CMYA5: variants seen among roughly 807,000 people sequenced by gnomAD.
The protein encoded by CMYA5 is cardiomyopathy-associated protein 5.
Under a neutral mutation model 318.9 loss-of-function variants are expected in CMYA5, and 246 were observed. The observed-to-expected ratio is 0.77, with a 90% CI of 0.70 to 0.86. CMYA5 has a LOEUF of 0.86. Among genes scored for constraint, CMYA5 ranks in the 40% least tolerant of loss-of-function variants. CMYA5 has a pLI of 0.00. For missense variants in CMYA5, 4,589 were observed against 4,678.2 expected, an observed-to-expected ratio of 0.98 and a Z score of 0.56; for synonymous variants, 1,641 against 1,729.5, an observed-to-expected ratio of 0.95 and a Z score of 1.27.
chr5:79,695,322 A>G (rs1827046448), intron 1 of CMYA5, among the ~76,000 whole-genome samples: 6 of 152,216 alleles, frequency 3.9e-5, no homozygotes, highest in Admixed American at 3.9e-4. Flanking sequence ...GCCACATTTT[A>G]AAAAGCAGAA....
chr5:79,700,979 TCA>T (rs1186052802), intron 1 of CMYA5, among the ~76,000 whole-genome samples: 4 of 151,108 alleles, frequency 2.6e-5, no homozygotes, highest in Admixed American at 6.6e-5. Context: ...GCGCAGTGGC[TCA>T]CACCTGTAAT....
intron 9 of CMYA5, among the ~76,000 whole-genome samples, chr5:79,770,900 A>G (rs946089228): frequency 6.6e-6 from 1 of 152,108 alleles, no homozygotes; most frequent in African/African-American, 2.4e-5. Flanking sequence ...GGATGAATTA[A>G]TATCGGGTGG....
chr5:79,740,097 T>G (rs1292590141), intron 2 of CMYA5, among the ~76,000 whole-genome samples: 1 of 152,226 alleles, frequency 6.6e-6, no homozygotes, highest in African/African-American at 2.4e-5. Context: ...GCATTATAAG[T>G]AATCTAGAGA....
At position 79,689,984 on chromosome 5, in the gene CMYA5, T is replaced by C. The variant is rs1371785196; in HGVS notation, c.77T>C (p.Leu26Pro). 7.1e-7 allele frequency: 1 copy of C among 1,413,000 alleles called. No individual in the cohort carries two copies. The highest frequency in any genetic ancestry group is 9.7e-7 in the Non-Finnish European group (1 of 1,033,868). 87.5% of individuals were successfully genotyped at this position (1,413,000 alleles called of 1,614,324 possible). A position where few individuals can be genotyped will look rare whatever the true frequency, so the allele number is the denominator to read the frequency against. Residue 26 changes from leucine to proline, a missense_variant, in exon 1 of 13, where the codon CTG becomes CCG. Coordinates refer to ENST00000446378, the MANE Select transcript of CMYA5 (RefSeq NM_153610.5). ...GGGGACGAGGAGGCGACCCGGGAGC[T>C]GGAGACCGAGGAGGAGTCGGAGGGC... is the stretch of plus-strand genomic sequence containing the variant. ...SDGDEEATRE[L>P]ETEEESEGEE...
At chr5:79,789,748 T>G (rs1160580883) in intron 10 of CMYA5, among the ~76,000 whole-genome samples, 1 of 152,150 alleles carries the variant, frequency 6.6e-6, no homozygotes, top group African/African-American at 2.4e-5. Flanking sequence ...TTTATCAGAC[T>G]CACAATGTGT....
rs200642578 is a variant in CMYA5, at chr5:79,793,426, T to C, written c.11790-11T>C. The C allele has an allele frequency of 7.8e-5, 125 of 1,606,840 alleles. No homozygotes were observed. The highest frequency in any genetic ancestry group is 9.6e-5 in the Non-Finnish European group (113 of 1,174,476). ...CTGCACTGAGCATACTCTGATTGAC[T>C]TCACCCACAGAATCCCGTCAGTGCT... On this transcript the variant is annotated splice_polypyrimidine_tract_variant and intron_variant, in intron 11 of 12. Transcript: ENST00000446378.
At chr5:79,727,191 C>T (rs367871322) in intron 1 of CMYA5, among the ~76,000 whole-genome samples, 114 of 152,304 alleles carry the variant, frequency 7.5e-4, no homozygotes, top group African/African-American at 2.7e-3. Context: ...GCTGGGATTA[C>T]AGGCGTGAGC....
chr5:79,774,110 T>C (rs1305435816), intron 9 of CMYA5, among the ~76,000 whole-genome samples: 11 of 152,180 alleles, frequency 7.2e-5, no homozygotes, highest in Admixed American at 7.2e-4. Flanking sequence ...AGTTGAACTT[T>C]TATGGTGGGC....
chr5:79,753,704 T>TA (rs35793036), intron 6 of CMYA5, among the ~76,000 whole-genome samples: 1 of 152,144 alleles, frequency 6.6e-6, no homozygotes, highest in South Asian at 2.1e-4. Context: ...TAGTAACTAC[T>TA]AAAAAGGCTA....
At chr5:79,796,288 A>G (rs560862188) in intron 12 of CMYA5, among the ~76,000 whole-genome samples, 1 of 152,140 alleles carries the variant, frequency 6.6e-6, no homozygotes, top group South Asian at 2.1e-4. Flanking sequence ...GGCTGGTAGG[A>G]CTGAAAAACT....
intron 7 of CMYA5, 41 bp from the exon 8 acceptor site, chr5:79,761,770 C>A: frequency 6.4e-7 from 1 of 1,573,130 alleles, no homozygotes; most frequent in Non-Finnish European, 8.6e-7. Flanking sequence ...TTTTAATTAA[C>A]TTTGGAAGAT....
chr5:79,710,289 G>T (rs190027270), intron 1 of CMYA5, among the ~76,000 whole-genome samples: 21 of 152,094 alleles, frequency 1.4e-4, no homozygotes, highest in African/African-American at 5.1e-4. Flanking sequence ...TTATTATTAC[G>T]ATTTTTAGAT....
rs761737400 is a variant in CMYA5 at position 79,737,825 on chromosome 5, A to G, written c.9060A>G (p.Lys3020=). Residue 3020 remains lysine, a synonymous_variant, in exon 2 of 13, where the codon AAA becomes AAG. Transcript: ENST00000446378. ...DEKVTPLKEN[K]QKETHKTKEE... ...AAGTTACCCCATTGAAAGAAAATAAACAAAAGGAAACTCATAAGACAAAAG... is the reference window on the plus strand; with the variant it reads ...AAGTTACCCCATTGAAAGAAAATAAGCAAAAGGAAACTCATAAGACAAAAG... The G allele has an allele frequency of 5.0e-6, 8 of 1,604,702 alleles. No homozygotes were observed. Among genetic ancestry groups the G allele is most frequent in the Non-Finnish European group, 6.8e-6 (8 of 1,177,720 alleles).
In CMYA5 at chr5:79,733,044, A is replaced by G; in HGVS notation, c.4279A>G (p.Ile1427Val). 2 of 1,613,462 alleles carry G rather than the reference A, an allele frequency of 1.2e-6. No homozygotes were observed. Among genetic ancestry groups the G allele is most frequent in the African/African-American group, 2.7e-5 (2 of 75,064 alleles). The change falls in exon 2 of 13, where the codon ATT (isoleucine) becomes GTT (valine). Residue 1427 changes from isoleucine to valine, a missense_variant. Ile to Val is a conservative substitution (Grantham distance 29, BLOSUM62 3). Transcript: ENST00000446378. Reference protein sequence around the residue: ...DKVAIKGASPIETSSKHLAWS... With the variant: ...DKVAIKGASPVETSSKHLAWS... ...GGTGGCAATTAAAGGTGCTTCTCCC[A>G]TTGAAACTTCATCCAAACATTTAGC...
chr5:79,799,768 C>A lies in CMYA5; in HGVS notation c.*152C>A. On this transcript the variant is annotated 3_prime_UTR_variant, in exon 13 of 13. Coordinates refer to ENST00000446378, the MANE Select transcript of CMYA5 (RefSeq NM_153610.5). The stretch of plus-strand genomic sequence containing the variant: ...ATAGCAATCAGCATGTGAGCAAAAT[C>A]GACAAGAAAACCTTGACTTTACAGA... 1 of 1,005,494 alleles carries A rather than the reference C, an allele frequency of 9.9e-7. No individual in the cohort carries two copies. Among genetic ancestry groups the A allele is most frequent in the South Asian group, 1.9e-5 (1 of 52,880 alleles). The allele number at this position is 1,005,494 out of a possible 1,614,324, so 62.3% of individuals were successfully genotyped here. A position where few individuals can be genotyped will look rare whatever the true frequency, so the allele number is the denominator to read the frequency against.
rs772587014 is a variant in CMYA5, at chr5:79,733,210, A to T, written c.4445A>T (p.His1482Leu). ...GTAATCAAAACATCATCTTCTCAGC[A>T]TTCAGATAAATCTGAGGAAGCAAGG... ...LPVIKTSSSQ[H>L]SDKSEEARVE... Residue 1482 changes from histidine (H) to leucine (L), a missense_variant, in exon 2 of 13, where the codon CAT (histidine) becomes CTT (leucine). Coordinates refer to ENST00000446378, the MANE Select transcript of CMYA5 (RefSeq NM_153610.5). 1 of 1,613,468 alleles carries T rather than the reference A, an allele frequency of 6.2e-7. No homozygotes were observed. Among genetic ancestry groups the T allele is most frequent in the Admixed American group, 1.7e-5 (1 of 59,986 alleles).
At position 79,799,775 on chromosome 5, in the gene CMYA5, A is replaced by C; in HGVS notation, c.*159A>C. 1 of 910,518 alleles carries C rather than the reference A, an allele frequency of 1.1e-6. No individual in the cohort carries two copies. Among genetic ancestry groups the C allele is most frequent in the South Asian group, 1.9e-5 (1 of 51,954 alleles). 56.4% of individuals were successfully genotyped at this position (910,518 alleles called of 1,614,324 possible). On this transcript the variant is annotated 3_prime_UTR_variant, in exon 13 of 13. Coordinates refer to ENST00000446378, the MANE Select transcript of CMYA5 (RefSeq NM_153610.5). ...TCAGCATGTGAGCAAAATCGACAAG[A>C]AAACCTTGACTTTACAGAGCAGTGT...
chr5:79,745,900 C>T (rs1380615334), intron 4 of CMYA5, among the ~76,000 whole-genome samples: 3 of 152,202 alleles, frequency 2.0e-5, no homozygotes, highest in Non-Finnish European at 4.4e-5. Context: ...CTGAGAGTAA[C>T]ATTTGGGTGT....
chr5:79,733,934 A>G lies in CMYA5; in HGVS notation c.5169A>G (p.Leu1723=), dbSNP rs780091774. Residue 1723 remains leucine, a synonymous_variant, in exon 2 of 13, where the codon CTA becomes CTG. Coordinates refer to ENST00000446378, the MANE Select transcript of CMYA5 (RefSeq NM_153610.5). ...IKPFSPKIIS[L]ESKEPPASVA... is the part of the protein sequence containing the mutation. ...CTTTCTCTCCCAAGATCATCAGCCT[A>G]GAGTCGAAAGAACCACCTGCCTCTG... 6.2e-7 allele frequency: 1 copy of G among 1,613,334 alleles called. No individual in the cohort carries two copies. Among genetic ancestry groups the G allele is most frequent in the African/African-American group, 1.3e-5 (1 of 74,922 alleles).
Sources: gnomAD v4.1 joint callset for allele counts (sites outside exome capture counted in the v4.1 genomes callset) on GRCh38, gnomAD v4.1.1 for gene constraint, MANE v1.5 for transcripts, NCBI Gene and HGNC (gene_info 2026-07-23, HGNC 2026-07-21) for gene names.